The following FHIT variants were observed in gnomAD, a reference collection of about 807,000 sequenced individuals.
FHIT encodes bis(5'-adenosyl)-triphosphatase.
Under a neutral mutation model 17.9 loss-of-function variants are expected in FHIT, and 19 were observed. The ratio of observed to expected loss-of-function variants is 1.06; its 90% CI spans 0.74 to 1.56. The LOEUF is 1.56. Ranked by LOEUF, FHIT falls within the 40% of genes most tolerant of loss-of-function variation. The pLI, the probability that FHIT is intolerant of heterozygous loss-of-function variation, is 0.00. For missense variants in FHIT, 248 were observed against 189.2 expected (o/e 1.31, Z -1.82); for synonymous variants, 81 against 69.7 (o/e 1.16, Z -0.81).
At chr3:60,126,104 TC>T (rs2107243250) in intron 5 of FHIT, among the ~76,000 whole-genome samples, 1 of 152,114 alleles carries the variant, frequency 6.6e-6, no homozygotes, top group Non-Finnish European at 1.5e-5. Context: ...AAGAACTTGG[TC>T]TGATCTAGCA....
intron 5 of FHIT, among the ~76,000 whole-genome samples, chr3:60,404,886 G>A (rs561360019): frequency 6.6e-6 from 1 of 152,326 alleles, no homozygotes; most frequent in South Asian, 2.1e-4. Flanking sequence ...CAAGGAAGGA[G>A]TAGGAAGCAA....
At chr3:60,091,560 G>C (rs747064750) in intron 5 of FHIT, among the ~76,000 whole-genome samples, 6 of 152,078 alleles carry the variant, frequency 3.9e-5, no homozygotes, top group Non-Finnish European at 8.8e-5. Flanking sequence ...TGTATGATAT[G>C]GTTTGAATCT....
intron 7 of FHIT, among the ~76,000 whole-genome samples, chr3:59,997,135 A>C (rs989966611): frequency 6.6e-6 from 1 of 152,178 alleles, no homozygotes; most frequent in Non-Finnish European, 1.5e-5. Flanking sequence ...ATGTGATTCT[A>C]GGCAACACGT....
intron 4 of FHIT, among the ~76,000 whole-genome samples, chr3:60,590,317 T>G (rs1260442195): frequency 6.6e-6 from 1 of 152,004 alleles, no homozygotes; most frequent in Non-Finnish European, 1.5e-5. Flanking sequence ...TAATCAAAAT[T>G]CATACTACAA....
At chr3:61,080,857 C>A (rs2035114933) in intron 2 of FHIT, among the ~76,000 whole-genome samples, 1 of 152,006 alleles carries the variant, frequency 6.6e-6, no homozygotes, top group Non-Finnish European at 1.5e-5. Context: ...TGAGAAAGTT[C>A]ATGCCAATTC....
chr3:60,297,866 A>G (rs569365731), intron 5 of FHIT, among the ~76,000 whole-genome samples: 2 of 152,148 alleles, frequency 1.3e-5, no homozygotes, highest in African/African-American at 2.4e-5. Flanking sequence ...GTCCCACAAG[A>G]CAGCTCCCAC....
chr3:60,302,796 A>G (rs1352857776), intron 5 of FHIT, among the ~76,000 whole-genome samples: 3 of 152,112 alleles, frequency 2.0e-5, no homozygotes, highest in Non-Finnish European at 4.4e-5. Flanking sequence ...ATTCCATCTA[A>G]TTGAAAACTG....
chr3:60,499,394 A>G (rs1291645030), intron 5 of FHIT, among the ~76,000 whole-genome samples: 1 of 152,016 alleles, frequency 6.6e-6, no homozygotes, highest in Non-Finnish European at 1.5e-5. Context: ...TCACCCCCAC[A>G]GGTCTTCGTG....
At chr3:59,882,132 T>A (rs1037560251) in intron 8 of FHIT, among the ~76,000 whole-genome samples, 2 of 151,294 alleles carry the variant, frequency 1.3e-5, no homozygotes, top group Non-Finnish European at 2.9e-5. Flanking sequence ...ACAGACATGC[T>A]CAAAATAGGA....
chr3:60,054,784 C>G (rs947899669), intron 5 of FHIT, among the ~76,000 whole-genome samples: 3 of 152,106 alleles, frequency 2.0e-5, no homozygotes, highest in African/African-American at 7.2e-5. Flanking sequence ...GTTGTTTATA[C>G]CTTCAGATCT....
At chr3:60,504,367 G>T (rs1048034704) in intron 5 of FHIT, among the ~76,000 whole-genome samples, 1 of 151,530 alleles carries the variant, frequency 6.6e-6, no homozygotes, top group Admixed American at 6.6e-5. Flanking sequence ...CTGGGAGTTG[G>T]AGGTTGCAGT....
chr3:60,864,117 T>A (rs114481350), intron 3 of FHIT, among the ~76,000 whole-genome samples: 2 of 151,758 alleles, frequency 1.3e-5, no homozygotes, highest in African/African-American at 4.8e-5. Flanking sequence ...AACCATCAGA[T>A]CTCATGAGAC....
intron 4 of FHIT, among the ~76,000 whole-genome samples, chr3:60,544,516 T>C (rs913369103): frequency 6.6e-6 from 1 of 152,150 alleles, no homozygotes; most frequent in Non-Finnish European, 1.5e-5. Context: ...CACAAGGTAT[T>C]ATTTTTTAAT....
At chr3:60,271,040 A>AT (rs2107627223) in intron 5 of FHIT, among the ~76,000 whole-genome samples, 2 of 152,308 alleles carry the variant, frequency 1.3e-5, no homozygotes, top group South Asian at 4.1e-4. Flanking sequence ...AGGAATCTAC[A>AT]TAACAGTGGA....
At chr3:61,048,979 G>A (rs1029028635) in intron 2 of FHIT, among the ~76,000 whole-genome samples, 2 of 151,930 alleles carry the variant, frequency 1.3e-5, no homozygotes, top group South Asian at 2.1e-4. Flanking sequence ...CTGTTGTGGG[G>A]TTGGGGGAGT....
At chr3:61,011,614 T>C (rs2031793741) in intron 3 of FHIT, among the ~76,000 whole-genome samples, 1 of 152,148 alleles carries the variant, frequency 6.6e-6, no homozygotes, top group South Asian at 2.1e-4. Context: ...AGAATACATT[T>C]CAAGATCCTC....
chr3:60,807,652 A>C lies in FHIT; in HGVS notation c.-18+14267T>G, dbSNP rs9842782. Among the ~76,000 whole-genome samples the C allele has an allele frequency of 9.6e-3, 1,466 of 152,250 alleles. 24 individuals are homozygous for C. The highest frequency in any genetic ancestry group is 0.033 in the African/African-American group (1,388 of 41,536). On this transcript the variant is annotated intron_variant, in intron 4 of 9. Transcript: ENST00000492590. ...CATTTATAATATTGTTCCTAATAGCATGCCACTCCTGACTGATCATTGCTG... is the reference window on the plus strand; with the variant it reads ...CATTTATAATATTGTTCCTAATAGCCTGCCACTCCTGACTGATCATTGCTG...
intron 3 of FHIT, among the ~76,000 whole-genome samples, chr3:60,935,419 T>C (rs1708146837): frequency 6.6e-6 from 1 of 152,134 alleles, no homozygotes; most frequent in African/African-American, 2.4e-5. Context: ...AAATGGACAA[T>C]TATGACATGT....
chr3:59,876,874 T>C (rs567599481), intron 8 of FHIT, among the ~76,000 whole-genome samples: 1 of 152,334 alleles, frequency 6.6e-6, no homozygotes, highest in Non-Finnish European at 1.5e-5. Flanking sequence ...CCAACTGGCC[T>C]AAGCCACTGA....
Sources: gnomAD v4.1 joint callset for allele counts (sites outside exome capture counted in the v4.1 genomes callset) on GRCh38, gnomAD v4.1.1 for gene constraint, MANE v1.5 for transcripts, NCBI Gene and HGNC (gene_info 2026-07-23, HGNC 2026-07-21) for gene names.